PRSS23: variants seen among roughly 807,000 people sequenced by gnomAD.
PRSS23 encodes the protein protease, serine 23.
PRSS23 carries 25 observed loss-of-function variants against 34.7 expected under a neutral mutation model. That is an observed-to-expected ratio of 0.72 (90% CI 0.53 to 1.01). The LOEUF (loss-of-function observed/expected upper bound fraction) is 1.01. Among genes scored for constraint, PRSS23 ranks in the 50% least tolerant of loss-of-function variants. The pLI, the probability that PRSS23 is intolerant of heterozygous loss-of-function variation, is 0.00. For synonymous variants in PRSS23, 176 were observed against 186.6 expected, an observed-to-expected ratio of 0.94 and a Z score of 0.46; for missense variants, 445 against 475.6, an observed-to-expected ratio of 0.94 and a Z score of 0.60.
rs554219479 is a variant in PRSS23, at chr11:86,809,106, A to G, written c.*311A>G. On this transcript the variant is annotated 3_prime_UTR_variant, in exon 2 of 2. Transcript: ENST00000280258. ...TAAGTTAATCTTCACGTTTTTGCAA[A>G]CTTTGATTTTTATTTCATCTGAACT... 4.0e-6 allele frequency: 1 copy of G among 251,610 alleles called. No individual in the cohort carries two copies. The highest frequency in any genetic ancestry group is 1.5e-4 in the South Asian group (1 of 6,824). 15.6% of individuals were successfully genotyped at this position (251,610 alleles called of 1,614,324 possible). A position where few individuals can be genotyped will look rare whatever the true frequency, so the allele number is the denominator to read the frequency against.
chr11:86,832,787 G>C (rs545006081), intron 2 of PRSS23: 2 of 292,200 alleles, frequency 6.8e-6, no homozygotes, highest in African/African-American at 2.2e-5. Context: ...CAGCATGGAG[G>C]AAACAATTTT....
chr11:86,931,480 G>A (rs10792886), intron 2 of PRSS23, among the ~76,000 whole-genome samples: 94,930 of 151,936 alleles, frequency 0.62, 30,143 homozygotes, highest in Non-Finnish European at 0.69. Context: ...AAGCACAGAT[G>A]TGTACATACT....
intron 2 of PRSS23, among the ~76,000 whole-genome samples, chr11:86,859,126 G>A (rs1948594300): frequency 6.6e-6 from 1 of 151,808 alleles, no homozygotes; most frequent in African/African-American, 2.4e-5. Context: ...ATCCAAGGGG[G>A]AAGAGGATGA....
At chr11:86,898,199 A>G (rs1948889092) in intron 2 of PRSS23, among the ~76,000 whole-genome samples, 2 of 152,238 alleles carry the variant, frequency 1.3e-5, no homozygotes, top group South Asian at 4.1e-4. Flanking sequence ...GTCAGTGTTT[A>G]TAATGTCAAT....
chr11:86,886,151 T>A (rs1388895353), intron 2 of PRSS23, among the ~76,000 whole-genome samples: 1 of 151,850 alleles, frequency 6.6e-6, no homozygotes, highest in Non-Finnish European at 1.5e-5. Flanking sequence ...ATTGCTTGAG[T>A]CCAGGAGATT....
chr11:86,855,194 A>C (rs1051566897), intron 2 of PRSS23, among the ~76,000 whole-genome samples: 2 of 151,922 alleles, frequency 1.3e-5, no homozygotes, highest in Admixed American at 1.3e-4. Context: ...ATACAGCATG[A>C]TTTCGAGTCC....
chr11:86,915,945 C>T (rs1565385049), intron 2 of PRSS23, among the ~76,000 whole-genome samples: 1 of 151,998 alleles, frequency 6.6e-6, no homozygotes, highest in Non-Finnish European at 1.5e-5. Context: ...ATCCCAGCTA[C>T]TCAGGAAGCT....
intron 2 of PRSS23, among the ~76,000 whole-genome samples, chr11:86,854,586 C>G (rs375387097): frequency 2.5e-4 from 38 of 152,204 alleles, no homozygotes; most frequent in African/African-American, 8.2e-4. Context: ...AAAGCATTGT[C>G]CACTCTGATG....
At chr11:86,862,461 A>G (rs766868398) in intron 2 of PRSS23, among the ~76,000 whole-genome samples, 2 of 151,864 alleles carry the variant, frequency 1.3e-5, no homozygotes, top group African/African-American at 2.4e-5. Flanking sequence ...CCCTAGGAGG[A>G]TGTTACTCCT....
At chr11:86,943,043 G>T (rs1388016082) in intron 2 of PRSS23, among the ~76,000 whole-genome samples, 1 of 152,140 alleles carries the variant, frequency 6.6e-6, no homozygotes, top group Non-Finnish European at 1.5e-5. Flanking sequence ...CAGTTCTCAG[G>T]ACCGAAATGC....
At chr11:86,826,705 AT>A (rs1159908081) in intron 2 of PRSS23, among the ~76,000 whole-genome samples, 2 of 152,058 alleles carry the variant, frequency 1.3e-5, no homozygotes, top group African/African-American at 4.8e-5. Flanking sequence ...AGCATGAAGC[AT>A]TGTTGAATTT....
At chr11:86,878,456 G>T (rs1461112222) in intron 2 of PRSS23, among the ~76,000 whole-genome samples, 1 of 152,138 alleles carries the variant, frequency 6.6e-6, no homozygotes, top group African/African-American at 2.4e-5. Flanking sequence ...GTGGAGACGG[G>T]GTTTCGCTGT....
chr11:86,926,422 T>TA (rs1256189016), intron 2 of PRSS23, among the ~76,000 whole-genome samples: 3 of 152,160 alleles, frequency 2.0e-5, no homozygotes, highest in African/African-American at 7.2e-5. Context: ...AAGTGTGACT[T>TA]AGAGTCCTAA....
exon 3 of PRSS23, chr11:86,951,811 G>A (rs1283425300): frequency 1.2e-6 from 2 of 1,613,878 alleles, no homozygotes. Context: ...AAATGGAGCT[G>A]GCCATTCCAA....
chr11:86,819,989 T>C (rs186722383), intron 1 of PRSS23, among the ~76,000 whole-genome samples: 1 of 152,308 alleles, frequency 6.6e-6, no homozygotes, highest in East Asian at 1.9e-4. Context: ...TTTGAATCAG[T>C]CTTACCACAA....
chr11:86,827,966 T>A (rs1245891591), intron 2 of PRSS23, among the ~76,000 whole-genome samples: 1 of 152,212 alleles, frequency 6.6e-6, no homozygotes, highest in African/African-American at 2.4e-5. Flanking sequence ...AAAATGTATA[T>A]TCTGTTGATT....
intron 2 of PRSS23, among the ~76,000 whole-genome samples, chr11:86,879,777 G>A (rs1283772366): frequency 1.9e-5 from 2 of 107,120 alleles, no homozygotes; most frequent in Non-Finnish European, 3.9e-5. Context: ...GAGGTGGGGG[G>A]GTCAGCCCCC....
chr11:86,830,305 A>T (rs1007621484), intron 2 of PRSS23, among the ~76,000 whole-genome samples: 3 of 152,164 alleles, frequency 2.0e-5, no homozygotes, highest in African/African-American at 7.2e-5. Flanking sequence ...CAGGTGCGGG[A>T]TATAATCTCC....
At chr11:86,952,330 ACT>A in exon 3 of PRSS23, 1 of 1,613,934 alleles carries the variant, frequency 6.2e-7, no homozygotes, top group Non-Finnish European at 8.5e-7. Flanking sequence ...TGCAGTTCAG[ACT>A]CTCTGGCCAG....
Sources: gnomAD v4.1 joint callset for allele counts (sites outside exome capture counted in the v4.1 genomes callset) on GRCh38, gnomAD v4.1.1 for gene constraint, MANE v1.5 for transcripts, NCBI Gene and HGNC (gene_info 2026-07-23, HGNC 2026-07-21) for gene names.